ELAPOR2: variants seen among roughly 807,000 people sequenced by gnomAD.
The protein encoded by ELAPOR2 is endosome-lysosome associated apoptosis and autophagy regulator family member 2.
ELAPOR2 carries 89 observed loss-of-function variants against 120.7 expected under a neutral mutation model. The ratio of observed to expected loss-of-function variants is 0.74; its 90% CI spans 0.62 to 0.88. The LOEUF is 0.88. ELAPOR2 is among the 40% of genes least tolerant of loss of function. The pLI is 0.00. For missense variants in ELAPOR2, 1,134 were observed against 1,251.6 expected (o/e 0.91, Z 1.42); for synonymous variants, 444 against 444.9 (o/e 1.00, Z 0.03).
intron 1 of ELAPOR2, among the ~76,000 whole-genome samples, chr7:87,011,138 C>A (rs916938623): frequency 3.3e-5 from 5 of 150,692 alleles, no homozygotes; most frequent in Admixed American, 1.3e-4. Context: ...CATGGTGGCA[C>A]GTGCCTGTAG....
chr7:86,973,753 G>A (rs190839636), intron 1 of ELAPOR2, among the ~76,000 whole-genome samples: 1 of 152,114 alleles, frequency 6.6e-6, no homozygotes, highest in Non-Finnish European at 1.5e-5. Flanking sequence ...ATAAAAAGAA[G>A]GTGGGGCATG....
At chr7:86,998,871 C>G (rs1793215947) in intron 1 of ELAPOR2, among the ~76,000 whole-genome samples, 1 of 148,666 alleles carries the variant, frequency 6.7e-6, no homozygotes. Flanking sequence ...TTCAAAGAAC[C>G]TGAGAAACTG....
chr7:87,051,622 GT>G (rs1795104213), intron 1 of ELAPOR2, among the ~76,000 whole-genome samples: 2 of 152,184 alleles, frequency 1.3e-5, no homozygotes, highest in Admixed American at 1.3e-4. Context: ...GGGTTAATTT[GT>G]TGAAGGTCAC....
chr7:86,922,853 T>C (rs1789889921), intron 10 of ELAPOR2, among the ~76,000 whole-genome samples: 1 of 151,878 alleles, frequency 6.6e-6, no homozygotes, highest in Non-Finnish European at 1.5e-5. Flanking sequence ...AATAAAAGAG[T>C]TATTGAGTCA....
intron 1 of ELAPOR2, among the ~76,000 whole-genome samples, chr7:87,051,595 C>G (rs1795103851): frequency 1.3e-5 from 2 of 152,142 alleles, no homozygotes; most frequent in Non-Finnish European, 2.9e-5. Context: ...CATTTTCAGA[C>G]AAGAAAAGAT....
At chr7:86,888,426 T>C (rs1799795353) in intron 21 of ELAPOR2, among the ~76,000 whole-genome samples, 1 of 152,054 alleles carries the variant, frequency 6.6e-6, no homozygotes, top group South Asian at 2.1e-4. Context: ...TATGATTTTT[T>C]AGGGTCACCC....
intron 1 of ELAPOR2, among the ~76,000 whole-genome samples, chr7:86,981,886 G>A (rs1273345995): frequency 6.6e-6 from 1 of 152,214 alleles, no homozygotes; most frequent in East Asian, 1.9e-4. Context: ...CAAGGGGTCA[G>A]GGGATTTCCC....
At chr7:86,996,403 C>T (rs1004864212) in intron 1 of ELAPOR2, among the ~76,000 whole-genome samples, 1 of 151,926 alleles carries the variant, frequency 6.6e-6, no homozygotes, top group African/African-American at 2.4e-5. Context: ...GAGGGGGCAG[C>T]CACTGCAAAA....
chr7:86,945,170 C>A, intron 3 of ELAPOR2, 124 bp from the exon 4 acceptor site: 1 of 782,484 alleles, frequency 1.3e-6, no homozygotes. Flanking sequence ...ACACCAGAAG[C>A]TTTTCCAGAC....
intron 1 of ELAPOR2, among the ~76,000 whole-genome samples, chr7:87,052,230 C>G (rs1357691903): frequency 9.2e-5 from 14 of 152,168 alleles, no homozygotes; most frequent in Non-Finnish European, 1.5e-5. Context: ...TTTAATGGAC[C>G]TATAGTTTCA....
chr7:87,018,842 GTTTTT>G (rs1793949797), intron 1 of ELAPOR2, among the ~76,000 whole-genome samples: 1 of 152,152 alleles, frequency 6.6e-6, no homozygotes, highest in Non-Finnish European at 1.5e-5. Flanking sequence ...GTTAACTGTA[GTTTTT>G]TTATAAGTCA....
In ELAPOR2 at chr7:87,022,931, T is replaced by C. The variant is rs1794107775; in HGVS notation, c.189+36394A>G. On this transcript the variant is annotated intron_variant, in intron 1 of 21. Coordinates refer to ENST00000450689, the MANE Select transcript of ELAPOR2 (RefSeq NM_001142749.3). ...GCCCACTTTTTGATGGGGTTGTTTTTTTCTTGTAAATTTGTTGGAGTTCAT... is the reference window on the plus strand; with the variant it reads ...GCCCACTTTTTGATGGGGTTGTTTTCTTCTTGTAAATTTGTTGGAGTTCAT... Among the ~76,000 whole-genome samples, 5 of 152,148 alleles carry C rather than the reference T, an allele frequency of 3.3e-5. No individual in the cohort carries two copies. The South Asian group carries it at 1.0e-3, about 32-fold the overall frequency.
intron 1 of ELAPOR2, among the ~76,000 whole-genome samples, chr7:86,993,679 T>G (rs12333646): frequency 0.062 from 9,415 of 152,306 alleles, 570 homozygotes; most frequent in African/African-American, 0.15. Context: ...GATAAAACTG[T>G]AATTGAAACT....
At chr7:86,989,696 A>T (rs1265699283) in intron 1 of ELAPOR2, among the ~76,000 whole-genome samples, 1 of 152,160 alleles carries the variant, frequency 6.6e-6, no homozygotes, top group Non-Finnish European at 1.5e-5. Flanking sequence ...CTCAAGTTTC[A>T]AGTGGAATCC....
chr7:87,016,772 T>C (rs1017691931), intron 1 of ELAPOR2, among the ~76,000 whole-genome samples: 2 of 151,586 alleles, frequency 1.3e-5, no homozygotes, highest in Non-Finnish European at 1.5e-5. Context: ...TGAATGTCCA[T>C]GGAAAAGGAA....
chr7:86,981,635 C>T (rs1792493693), intron 1 of ELAPOR2, among the ~76,000 whole-genome samples: 1 of 152,208 alleles, frequency 6.6e-6, no homozygotes, highest in African/African-American at 2.4e-5. Context: ...ATGTGCAAGC[C>T]TCAACTCAGG....
chr7:86,973,327 G>A (rs1490622315), intron 1 of ELAPOR2, among the ~76,000 whole-genome samples: 3 of 152,064 alleles, frequency 2.0e-5, no homozygotes, highest in South Asian at 2.1e-4. Flanking sequence ...GAAACTACAG[G>A]ATCAAACATG....
chr7:86,880,391 G>A lies in ELAPOR2; in HGVS notation c.*80C>T. The A allele has an allele frequency of 9.8e-7, 1 of 1,021,922 alleles. No individual in the cohort carries two copies. The allele number at this position is 1,021,922 out of a possible 1,614,324, so 63.3% of individuals were successfully genotyped here. A position where few individuals can be genotyped will look rare whatever the true frequency, so the allele number is the denominator to read the frequency against. On this transcript the variant is annotated 3_prime_UTR_variant, in exon 22 of 22. Coordinates refer to ENST00000450689, the MANE Select transcript of ELAPOR2 (RefSeq NM_001142749.3). Reference sequence around the variant, plus strand: ...GAGATCACCAATGTGACAGGTATGAGGACAGACCCTAAAATATGGTCCTGT... The same window carrying A: ...GAGATCACCAATGTGACAGGTATGAAGACAGACCCTAAAATATGGTCCTGT...
At chr7:86,885,559 G>A (rs973399019) in intron 21 of ELAPOR2, among the ~76,000 whole-genome samples, 1 of 152,044 alleles carries the variant, frequency 6.6e-6, no homozygotes, top group Non-Finnish European at 1.5e-5. Flanking sequence ...TTAGAAAGGG[G>A]ACTAAAGTTT....
Sources: allele counts gnomAD v4.1 joint callset (sites outside exome capture counted in the v4.1 genomes callset), GRCh38; gene constraint gnomAD v4.1.1; transcripts MANE v1.5; gene names NCBI Gene and HGNC (gene_info 2026-07-23, HGNC 2026-07-21).